GTF2A1L: variants seen among roughly 807,000 people sequenced by gnomAD.
The protein encoded by GTF2A1L is general transcription factor IIA subunit 1 like.
In GTF2A1L, 48 loss-of-function variants were observed where a neutral mutation model predicts 49.7. The ratio of observed to expected loss-of-function variants is 0.97; its 90% CI spans 0.77 to 1.23. GTF2A1L has a LOEUF of 1.23. Ranked by LOEUF, GTF2A1L falls within the 50% of genes most tolerant of loss-of-function variation. The pLI, the probability that GTF2A1L is intolerant of heterozygous loss-of-function variation, is 0.00. For synonymous variants in GTF2A1L, 246 were observed against 193.5 expected, an observed-to-expected ratio of 1.27 and a Z score of -2.25; for missense variants, 736 against 564.8, an observed-to-expected ratio of 1.30 and a Z score of -3.07.
chr2:48,679,572 A>T lies in GTF2A1L; in HGVS notation c.*130A>T. The stretch of plus-strand genomic sequence containing the variant: ...ATTTTTAGTTCACTGTATGGAATTT[A>T]ATAAAATTATAATTCAGATGCAGAT... On this transcript the variant is annotated 3_prime_UTR_variant, in exon 9 of 9. Transcript: ENST00000403751. 6.9e-7 allele frequency: 1 copy of T among 1,444,168 alleles called. No individual in the cohort carries two copies. The highest frequency in any genetic ancestry group is 9.1e-7 in the Non-Finnish European group (1 of 1,102,172). The allele number at this position is 1,444,168 out of a possible 1,614,324, so 89.5% of individuals were successfully genotyped here. A position where few individuals can be genotyped will look rare whatever the true frequency, so the allele number is the denominator to read the frequency against.
chr2:48,679,055 A>AT (rs5830999), intron 8 of GTF2A1L, among the ~76,000 whole-genome samples: 124,263 of 151,312 alleles, frequency 0.82, 52,575 homozygotes, highest in East Asian at 1. Context: ...AAAGGCAGGG[A>AT]TTTTTTTTGG....
At chr2:48,627,724 T>C (rs1443798784) in intron 3 of GTF2A1L, among the ~76,000 whole-genome samples, 1 of 143,844 alleles carries the variant, frequency 7.0e-6, no homozygotes, top group Non-Finnish European at 1.6e-5. Flanking sequence ...TTTTTTTTTC[T>C]TTTCAACTTT....
At chr2:48,656,287 A>T (rs1239947951) in intron 6 of GTF2A1L, among the ~76,000 whole-genome samples, 1 of 150,506 alleles carries the variant, frequency 6.6e-6, no homozygotes, top group Non-Finnish European at 1.5e-5. Flanking sequence ...ACCAGTTTAC[A>T]TTCTCAACAG....
At chr2:48,672,338 G>A (rs1310535855) in intron 8 of GTF2A1L, among the ~76,000 whole-genome samples, 1 of 152,178 alleles carries the variant, frequency 6.6e-6, no homozygotes, top group Non-Finnish European at 1.5e-5. Context: ...GAAGCTGGGT[G>A]GGAGACAGAA....
chr2:48,645,310 G>C lies in GTF2A1L; in HGVS notation c.388+193G>C, dbSNP rs74553779. ...TCTACCACAAAAGGCACTGTACTAG[G>C]CCTGTCCTATATTTGATTCCCAGTT... is the stretch of plus-strand genomic sequence containing the variant. On this transcript the variant is annotated intron_variant, in intron 5 of 8. Coordinates refer to ENST00000403751, the MANE Select transcript of GTF2A1L (RefSeq NM_006872.5). Among the ~76,000 whole-genome samples the C allele has an allele frequency of 6.8e-4, 103 of 152,220 alleles. 3 individuals are homozygous for C. In the East Asian group the frequency reaches 0.019, roughly 28 times the overall value.
chr2:48,619,242 G>C (rs1282935239), intron 1 of GTF2A1L, among the ~76,000 whole-genome samples: 1 of 152,086 alleles, frequency 6.6e-6, no homozygotes, highest in Non-Finnish European at 1.5e-5. Context: ...GTCGAGGTGG[G>C]CAGATCACTT....
At chr2:48,639,347 A>G (rs35606429) in intron 3 of GTF2A1L, among the ~76,000 whole-genome samples, 20,209 of 152,242 alleles carry the variant, frequency 0.13, 1,591 homozygotes, top group African/African-American at 0.22. Context: ...TGGTACAAAC[A>G]GACCCATAGG....
At position 48,637,690 on chromosome 2, in the gene GTF2A1L, G is replaced by C. The variant is rs138634749; in HGVS notation, c.248-4712G>C. ...AAAAGATTAATGAATCCAGGAGTTG[G>C]TTTTTGAAAAAATTAATAAGATAGA... On this transcript the variant is annotated intron_variant, in intron 3 of 8. Transcript: ENST00000403751. Among the ~76,000 whole-genome samples the C allele has an allele frequency of 7.4e-3, 1,128 of 152,242 alleles. 12 individuals are homozygous for C. Among genetic ancestry groups the C allele is most frequent in the African/African-American group, 0.026 (1,078 of 41,546 alleles).
intron 8 of GTF2A1L, among the ~76,000 whole-genome samples, chr2:48,675,448 T>TG (rs916970690): frequency 2.8e-4 from 42 of 152,118 alleles, no homozygotes; most frequent in African/African-American, 9.1e-4. Context: ...GATTAACAAT[T>TG]GGGGGGAAAA....
At chr2:48,652,519 GC>G (rs1429206341) in intron 6 of GTF2A1L, among the ~76,000 whole-genome samples, 2 of 151,194 alleles carry the variant, frequency 1.3e-5, no homozygotes, top group Non-Finnish European at 2.9e-5. Flanking sequence ...GGGATCTGAG[GC>G]AAGAGAATCA....
intron 6 of GTF2A1L, among the ~76,000 whole-genome samples, chr2:48,651,247 A>G (rs531136039): frequency 8.5e-5 from 13 of 152,232 alleles, no homozygotes; most frequent in Non-Finnish European, 1.5e-4. Flanking sequence ...CCTCTGTCAG[A>G]TGACATCATC....
chr2:48,675,127 A>C lies in GTF2A1L; in HGVS notation c.1329+3447A>C, dbSNP rs181329866. Among the ~76,000 whole-genome samples, 6 of 152,330 alleles carry C rather than the reference A, an allele frequency of 3.9e-5. No individual in the cohort carries two copies. The East Asian group carries it at 1.2e-3, about 29-fold the overall frequency. ...AATGTAACCCAACTCAAGTGAATTG[A>C]AAGAACTTTCAGTAGTCTCTTTTAG... On this transcript the variant is annotated intron_variant, in intron 8 of 8. Coordinates refer to ENST00000403751, the MANE Select transcript of GTF2A1L (RefSeq NM_006872.5).
chr2:48,656,184 C>T (rs541574126), intron 6 of GTF2A1L, among the ~76,000 whole-genome samples: 16 of 151,842 alleles, frequency 1.1e-4, no homozygotes, highest in Non-Finnish European at 2.1e-4. Flanking sequence ...TTAATTTTTT[C>T]GGATATATAT....
chr2:48,646,355 C>T, intron 5 of GTF2A1L, 98 bp from the exon 6 acceptor site: 1 of 1,165,206 alleles, frequency 8.6e-7, no homozygotes, highest in Non-Finnish European at 1.2e-6. Context: ...GTATTTTTTT[C>T]CAGCCTTTGT....
In GTF2A1L at chr2:48,644,996, C is replaced by G. The variant is rs199813433; in HGVS notation, c.304-37C>G. On this transcript the variant is annotated intron_variant, in intron 4 of 8. Coordinates refer to ENST00000403751, the MANE Select transcript of GTF2A1L (RefSeq NM_006872.5). ...GGGAAAAAAAGATACAAGTAAAGTC[C>G]TTTTCTAACTTTCTAATATAAATTT... The G allele has an allele frequency of 2.4e-5, 37 of 1,569,210 alleles. No individual in the cohort carries two copies. In the East Asian group the frequency reaches 5.2e-4, roughly 22 times the overall value.
chr2:48,660,908 T>C (rs544032534), intron 6 of GTF2A1L, among the ~76,000 whole-genome samples: 30 of 152,284 alleles, frequency 2.0e-4, no homozygotes, highest in African/African-American at 7.2e-4. Flanking sequence ...CTCAGAGTGT[T>C]GTGATTACAG....
intron 6 of GTF2A1L, among the ~76,000 whole-genome samples, chr2:48,666,134 TG>T (rs1343248065): frequency 6.6e-6 from 1 of 152,072 alleles, no homozygotes; most frequent in Non-Finnish European, 1.5e-5. Flanking sequence ...AGTGTTTGCA[TG>T]GTATGTGTTT....
At chr2:48,626,274 T>A (rs539020902) in intron 3 of GTF2A1L, among the ~76,000 whole-genome samples, 1 of 144,314 alleles carries the variant, frequency 6.9e-6, no homozygotes, top group South Asian at 2.3e-4. Flanking sequence ...TACTACAGGT[T>A]TGCAATATAG....
rs1341558012 is a variant in GTF2A1L at position 48,630,462 on chromosome 2, G to T, written c.247+9172G>T. Among the ~76,000 whole-genome samples, 2 of 144,064 alleles carry T rather than the reference G, an allele frequency of 1.4e-5. 1 individual carries two copies. The highest frequency in any genetic ancestry group is 4.7e-4 in the South Asian group (2 of 4,258). 94.5% of individuals were successfully genotyped at this position (144,064 alleles called of 152,430 possible). On this transcript the variant is annotated intron_variant, in intron 3 of 8. Coordinates refer to ENST00000403751, the MANE Select transcript of GTF2A1L (RefSeq NM_006872.5). ...AGAAATGCTACTAATTTTATACATT[G>T]GTTTTGTATCCTGAAACTTAACTGA...
Sources: allele counts gnomAD v4.1 joint callset (sites outside exome capture counted in the v4.1 genomes callset), GRCh38; gene constraint gnomAD v4.1.1; transcripts MANE v1.5; gene names NCBI Gene and HGNC (gene_info 2026-07-23, HGNC 2026-07-21).